Variants in RCAN1 observed in about 807,000 individuals in gnomAD.
RCAN1 encodes the protein regulator of calcineurin 1.
Under a neutral mutation model 22.9 loss-of-function variants are expected in RCAN1, and 11 were observed. The ratio of observed to expected loss-of-function variants is 0.48; its 90% CI spans 0.30 to 0.79. The LOEUF (loss-of-function observed/expected upper bound fraction) is 0.79. RCAN1 is among the 30% of genes least tolerant of loss of function. The pLI is 0.06. For synonymous variants in RCAN1, 136 were observed against 142.3 expected (o/e 0.96, Z 0.32); for missense variants, 291 against 337.8 (o/e 0.86, Z 1.09).
chr21:34,538,626 C>T (rs1985785178), intron 1 of RCAN1, among the ~76,000 whole-genome samples: 1 of 152,048 alleles, frequency 6.6e-6, no homozygotes, highest in African/African-American at 2.4e-5. Flanking sequence ...GTGAAGCTAC[C>T]AAGTGGTCCT....
chr21:34,526,421 C>T (rs1435751485), intron 1 of RCAN1, among the ~76,000 whole-genome samples: 4 of 152,194 alleles, frequency 2.6e-5, no homozygotes, highest in African/African-American at 9.7e-5. Flanking sequence ...CCAACTCTCG[C>T]CTTCCTAGTG....
At chr21:34,582,546 A>G (rs1987651297) in intron 1 of RCAN1, among the ~76,000 whole-genome samples, 1 of 152,018 alleles carries the variant, frequency 6.6e-6, no homozygotes, top group Non-Finnish European at 1.5e-5. Flanking sequence ...GGCACATGGG[A>G]GCAGTAGCAG....
chr21:34,550,810 C>T (rs1355512343), intron 1 of RCAN1, among the ~76,000 whole-genome samples: 6 of 152,188 alleles, frequency 3.9e-5, no homozygotes, highest in African/African-American at 1.4e-4. Flanking sequence ...GGAAAAGCCT[C>T]TGAAAGAAAA....
intron 1 of RCAN1, among the ~76,000 whole-genome samples, chr21:34,573,407 T>C (rs1469844862): frequency 6.6e-6 from 1 of 152,218 alleles, no homozygotes; most frequent in African/African-American, 2.4e-5. Context: ...CAATGTCCTG[T>C]TACCATGCTT....
chr21:34,521,266 C>T, intron 3 of RCAN1: 2 of 1,439,926 alleles, frequency 1.4e-6, no homozygotes, highest in Non-Finnish European at 9.1e-7. Flanking sequence ...GGTGGAGGGG[C>T]GTGATGCAGG....
At chr21:34,552,623 C>G (rs1986410903) in intron 1 of RCAN1, among the ~76,000 whole-genome samples, 1 of 152,016 alleles carries the variant, frequency 6.6e-6, no homozygotes, top group Admixed American at 6.6e-5. Flanking sequence ...TGTAGCCACT[C>G]ACATGCAGAC....
chr21:34,549,832 C>T (rs1390506342), intron 1 of RCAN1, among the ~76,000 whole-genome samples: 2 of 152,154 alleles, frequency 1.3e-5, no homozygotes, highest in Non-Finnish European at 2.9e-5. Flanking sequence ...ATCCACCGAA[C>T]ACCTACAGGC....
chr21:34,520,894 C>A (rs560058058), intron 3 of RCAN1, among the ~76,000 whole-genome samples: 3 of 152,220 alleles, frequency 2.0e-5, no homozygotes, highest in African/African-American at 7.2e-5. Context: ...GAACCTACCC[C>A]CTCCCCGCAG....
chr21:34,521,098 T>C, intron 3 of RCAN1: 7 of 1,266,402 alleles, frequency 5.5e-6, no homozygotes, highest in Non-Finnish European at 6.9e-6. Flanking sequence ...TTTATTTTGA[T>C]TAAAAATAAC....
intron 1 of RCAN1, among the ~76,000 whole-genome samples, chr21:34,538,007 A>G (rs1985751354): frequency 6.6e-6 from 1 of 152,260 alleles, no homozygotes; most frequent in African/African-American, 2.4e-5. Flanking sequence ...CTGCTCAAAC[A>G]TAAACCACAG....
chr21:34,607,726 G>A (rs1460178014), intron 1 of RCAN1, among the ~76,000 whole-genome samples: 1 of 152,180 alleles, frequency 6.6e-6, no homozygotes, highest in East Asian at 1.9e-4. Flanking sequence ...AGTCAAAAAA[G>A]TTTCCAAATT....
intron 1 of RCAN1, among the ~76,000 whole-genome samples, chr21:34,541,097 T>A (rs571507155): frequency 1.3e-5 from 2 of 152,276 alleles, no homozygotes; most frequent in Admixed American, 1.3e-4. Flanking sequence ...CTACAGGGGC[T>A]TAAGATGGAA....
intron 1 of RCAN1, among the ~76,000 whole-genome samples, chr21:34,607,188 T>C (rs1330377075): frequency 6.6e-6 from 1 of 152,188 alleles, no homozygotes; most frequent in Non-Finnish European, 1.5e-5. Flanking sequence ...TTCAGAAATA[T>C]GGTGGGTAAC....
intron 1 of RCAN1, among the ~76,000 whole-genome samples, chr21:34,577,413 C>T (rs1435358549): frequency 6.6e-6 from 1 of 151,996 alleles, no homozygotes; most frequent in Non-Finnish European, 1.5e-5. Flanking sequence ...GCCTGGGCAA[C>T]ATGGTGAAAC....
At chr21:34,580,069 G>T (rs559117551) in intron 1 of RCAN1, among the ~76,000 whole-genome samples, 2 of 152,168 alleles carry the variant, frequency 1.3e-5, no homozygotes, top group African/African-American at 4.8e-5. Context: ...ATTACTTTCA[G>T]ACCCACCGTG....
chr21:34,556,382 T>C (rs1337091019), intron 1 of RCAN1, among the ~76,000 whole-genome samples: 4 of 150,442 alleles, frequency 2.7e-5, no homozygotes. Flanking sequence ...GCTGAGATCG[T>C]GCCACTGCAC....
intron 1 of RCAN1, among the ~76,000 whole-genome samples, chr21:34,602,746 A>G (rs1988395044): frequency 6.6e-6 from 1 of 152,248 alleles, no homozygotes; most frequent in Admixed American, 6.5e-5. Context: ...TCTACTGAGT[A>G]ACCTAATACC....
intron 1 of RCAN1, among the ~76,000 whole-genome samples, chr21:34,533,998 C>G (rs1164788717): frequency 2.0e-5 from 3 of 152,162 alleles, no homozygotes; most frequent in Non-Finnish European, 4.4e-5. Flanking sequence ...ACAAGAGAGA[C>G]CTTTAGCCAT....
At chr21:34,554,796 G>C (rs1339428979) in intron 1 of RCAN1, among the ~76,000 whole-genome samples, 1 of 152,208 alleles carries the variant, frequency 6.6e-6, no homozygotes, top group Non-Finnish European at 1.5e-5. Context: ...AACTGGGAAA[G>C]CATCACTATC....
Sources: gnomAD v4.1 joint callset for allele counts (sites outside exome capture counted in the v4.1 genomes callset) on GRCh38, gnomAD v4.1.1 for gene constraint, MANE v1.5 for transcripts, NCBI Gene and HGNC (gene_info 2026-07-23, HGNC 2026-07-21) for gene names.